TBC1D5: variants seen among roughly 807,000 people sequenced by gnomAD.
The protein encoded by TBC1D5 is TBC1 domain family, member 5.
In TBC1D5, 75 loss-of-function variants were observed where a neutral mutation model predicts 100.3. That is an observed-to-expected ratio of 0.75 (90% CI 0.62 to 0.91). TBC1D5 has a LOEUF of 0.91. TBC1D5 is among the 40% of genes least tolerant of loss of function. TBC1D5 has a pLI of 0.00. For missense variants in TBC1D5, 910 were observed against 942.4 expected (o/e 0.97, Z 0.45); for synonymous variants, 323 against 325.6 (o/e 0.99, Z 0.09).
chr3:17,215,669 T>C (rs1026131687), intron 17 of TBC1D5, among the ~76,000 whole-genome samples: 12 of 151,878 alleles, frequency 7.9e-5, no homozygotes, highest in African/African-American at 1.9e-4. Context: ...GGAGAAGGGA[T>C]AGAGAGAAAA....
intron 3 of TBC1D5, among the ~76,000 whole-genome samples, chr3:17,448,450 T>G (rs997597984): frequency 2.6e-5 from 4 of 152,238 alleles, no homozygotes; most frequent in African/African-American, 9.6e-5. Context: ...CTCTGACACA[T>G]CAGAGGAATC....
chr3:17,291,874 T>C (rs1341150091), intron 15 of TBC1D5, 21 bp downstream of exon 15: 8 of 1,598,826 alleles, frequency 5.0e-6, no homozygotes, highest in Admixed American at 3.5e-5. Flanking sequence ...AAATTATGCA[T>C]ACCCTACTGG....
At chr3:17,648,334 G>A (rs1198157823) in intron 1 of TBC1D5, among the ~76,000 whole-genome samples, 1 of 151,972 alleles carries the variant, frequency 6.6e-6, no homozygotes, top group Non-Finnish European at 1.5e-5. Context: ...ACTCAAGGTG[G>A]ATTAAAGACT....
chr3:17,217,929 A>C (rs1448661276), intron 17 of TBC1D5, among the ~76,000 whole-genome samples: 1 of 152,028 alleles, frequency 6.6e-6, no homozygotes, highest in African/African-American at 2.4e-5. Context: ...CTAAGAAACT[A>C]CTGCCTAACC....
At chr3:17,349,849 G>T (rs1217086309) in intron 13 of TBC1D5, among the ~76,000 whole-genome samples, 1 of 151,964 alleles carries the variant, frequency 6.6e-6, no homozygotes, top group Non-Finnish European at 1.5e-5. Flanking sequence ...TAAACAATTA[G>T]GAAAAAAATG....
chr3:17,245,271 C>T (rs573747566), intron 16 of TBC1D5, among the ~76,000 whole-genome samples: 4 of 152,236 alleles, frequency 2.6e-5, no homozygotes, highest in African/African-American at 9.6e-5. Flanking sequence ...CTTTGAAGTT[C>T]AGTGTTTCAA....
chr3:17,246,808 T>C, intron 16 of TBC1D5, among the ~76,000 whole-genome samples: 1 of 152,200 alleles, frequency 6.6e-6, no homozygotes, highest in East Asian at 1.9e-4. Flanking sequence ...CAAGAGACTA[T>C]CTTTGACTGT....
At chr3:17,274,356 G>A (rs774640045) in intron 15 of TBC1D5, among the ~76,000 whole-genome samples, 8 of 152,092 alleles carry the variant, frequency 5.3e-5, no homozygotes, top group Non-Finnish European at 1.0e-4. Context: ...TATGTGGTTG[G>A]TTAGTCTCTG....
intron 4 of TBC1D5, among the ~76,000 whole-genome samples, chr3:17,419,372 A>G (rs59217371): frequency 0.061 from 9,230 of 151,890 alleles, 646 homozygotes; most frequent in East Asian, 0.33. Flanking sequence ...CCTTCCCTCA[A>G]CCTCTTTGGA....
At chr3:17,454,739 C>A (rs2095017010) in intron 3 of TBC1D5, among the ~76,000 whole-genome samples, 1 of 152,270 alleles carries the variant, frequency 6.6e-6, no homozygotes, top group East Asian at 1.9e-4. Context: ...GGATTACAGG[C>A]ATGAGCCACC....
intron 2 of TBC1D5, among the ~76,000 whole-genome samples, chr3:17,621,240 T>C (rs933374016): frequency 2.6e-5 from 4 of 152,208 alleles, no homozygotes; most frequent in African/African-American, 7.2e-5. Flanking sequence ...TTTGTGTATA[T>C]ATGTATAAAT....
chr3:17,576,712 C>T (rs1428199231), intron 2 of TBC1D5, among the ~76,000 whole-genome samples: 2 of 151,892 alleles, frequency 1.3e-5, no homozygotes, highest in Non-Finnish European at 2.9e-5. Context: ...AATAGTAGCA[C>T]GTGTATACAC....
At chr3:17,593,541 T>G (rs1015496097) in intron 2 of TBC1D5, among the ~76,000 whole-genome samples, 7 of 152,314 alleles carry the variant, frequency 4.6e-5, no homozygotes, top group African/African-American at 1.7e-4. Flanking sequence ...GGCAGAGGTT[T>G]GTCCTCACTG....
intron 13 of TBC1D5, among the ~76,000 whole-genome samples, chr3:17,327,583 C>T (rs1290799597): frequency 6.6e-6 from 1 of 152,182 alleles, no homozygotes; most frequent in Admixed American, 6.5e-5. Context: ...CACAAAAATA[C>T]ATGGCTTGCT....
chr3:17,167,683 T>A (rs554228464), intron 20 of TBC1D5, 66 bp downstream of exon 21: 1 of 1,433,748 alleles, frequency 7.0e-7, no homozygotes, highest in African/African-American at 1.4e-5. Context: ...TGGTGCTCCA[T>A]GCCCTGGGGG....
exon 22 of TBC1D5, chr3:17,157,620 G>T (rs549011327): frequency 6.6e-6 from 1 of 152,258 alleles, no homozygotes; most frequent in African/African-American, 2.4e-5. Context: ...GAATTGGTTG[G>T]AGCCGCCACA....
chr3:17,522,325 T>A (rs865948193), intron 2 of TBC1D5, among the ~76,000 whole-genome samples: 2 of 152,028 alleles, frequency 1.3e-5, no homozygotes, highest in African/African-American at 4.8e-5. Context: ...GTAAGAAAAC[T>A]GACATATATT....
At chr3:17,291,557 CCT>C (rs1318385204) in intron 15 of TBC1D5, among the ~76,000 whole-genome samples, 3 of 152,106 alleles carry the variant, frequency 2.0e-5, no homozygotes, top group Admixed American at 6.5e-5. Flanking sequence ...TAAATCAACC[CCT>C]GTGTGGGGTA....
At chr3:17,515,697 C>A (rs891285499) in intron 2 of TBC1D5, among the ~76,000 whole-genome samples, 1 of 152,266 alleles carries the variant, frequency 6.6e-6, no homozygotes, top group South Asian at 2.1e-4. Context: ...GTTTACTTTT[C>A]TCGCATGCAA....
Sources: allele counts gnomAD v4.1 joint callset (sites outside exome capture counted in the v4.1 genomes callset), GRCh38; gene constraint gnomAD v4.1.1; transcripts MANE v1.5; gene names NCBI Gene and HGNC (gene_info 2026-07-23, HGNC 2026-07-21).